The following PARD3 variants were observed in gnomAD, a reference collection of about 807,000 sequenced individuals.
The protein encoded by PARD3 is par-3 family cell polarity regulator, also known as partitioning defective 3 homolog.
Under a neutral mutation model 155.4 loss-of-function variants are expected in PARD3, and 75 were observed. That is an observed-to-expected ratio of 0.48 (90% confidence interval 0.40 to 0.58). The LOEUF (loss-of-function observed/expected upper bound fraction) is 0.58. Among genes scored for constraint, PARD3 ranks in the 20% least tolerant of loss-of-function variants. PARD3 has a pLI of 0.00. For missense variants in PARD3, 1,642 were observed against 1,721.7 expected (o/e 0.95, Z 0.82); for synonymous variants, 576 against 610.5 (o/e 0.94, Z 0.83).
chr10:34,717,624 A>G (rs184908714), intron 1 of PARD3, among the ~76,000 whole-genome samples: 1 of 152,282 alleles, frequency 6.6e-6, no homozygotes, highest in Admixed American at 6.5e-5. Context: ...TTACTGGAAA[A>G]GCCTTCTAAG....
At chr10:34,774,173 C>G (rs183386975) in intron 1 of PARD3, among the ~76,000 whole-genome samples, 5 of 152,220 alleles carry the variant, frequency 3.3e-5, no homozygotes, top group African/African-American at 1.2e-4. Flanking sequence ...CAAAACATAC[C>G]TGACTTCAAT....
chr10:34,663,828 T>G (rs1168021783), intron 2 of PARD3: 2 of 151,896 alleles, frequency 1.3e-5, no homozygotes, highest in East Asian at 3.9e-4. Flanking sequence ...AAACAGAACA[T>G]GTATTCCATG....
At chr10:34,469,490 T>A (rs1001686925) in intron 4 of PARD3, among the ~76,000 whole-genome samples, 2 of 152,148 alleles carry the variant, frequency 1.3e-5, no homozygotes, top group African/African-American at 4.8e-5. Flanking sequence ...AGGACTAAAA[T>A]AAATTAGGTC....
At chr10:34,377,944 A>T (rs1841422481) in intron 10 of PARD3, 23 bp downstream of exon 10, 7 of 1,497,406 alleles carry the variant, frequency 4.7e-6, no homozygotes, top group Middle Eastern at 1.8e-4. Context: ...ATCAGGGAAC[A>T]TCCTGCTGGG....
At chr10:34,684,824 CACACACATATATACACACACACAT>C (rs1212538005) in intron 2 of PARD3, among the ~76,000 whole-genome samples, 18 of 102,592 alleles carry the variant, frequency 1.8e-4, no homozygotes, top group South Asian at 5.4e-4. Context: ...CACACACACA[CACACACATATATACACACACACAT>C]ATATATACAT....
chr10:34,750,829 C>T (rs995619192), intron 1 of PARD3, among the ~76,000 whole-genome samples: 4 of 152,032 alleles, frequency 2.6e-5, no homozygotes, highest in African/African-American at 9.7e-5. Flanking sequence ...GCTGGGATTA[C>T]AGGCACACAC....
intron 1 of PARD3, among the ~76,000 whole-genome samples, chr10:34,796,592 GT>G (rs1254359354): frequency 2.0e-5 from 3 of 152,140 alleles, no homozygotes; most frequent in Admixed American, 6.5e-5. Context: ...ATAAAATTCA[GT>G]ACTAGTCAGT....
intron 1 of PARD3, among the ~76,000 whole-genome samples, chr10:34,754,344 C>T (rs12245689): frequency 0.024 from 3,593 of 152,234 alleles, 146 homozygotes; most frequent in African/African-American, 0.082. Flanking sequence ...TATTGAGAAA[C>T]ATACAAGCAT....
chr10:34,784,645 C>A (rs1840710218), intron 1 of PARD3, among the ~76,000 whole-genome samples: 1 of 152,190 alleles, frequency 6.6e-6, no homozygotes, highest in South Asian at 2.1e-4. Flanking sequence ...CCATGTTGGC[C>A]AGGCTGGTCT....
chr10:34,619,724 C>G (rs1330595633), intron 2 of PARD3, among the ~76,000 whole-genome samples: 2 of 152,090 alleles, frequency 1.3e-5, no homozygotes, highest in African/African-American at 4.8e-5. Context: ...TTAGGATCAT[C>G]TGGTTTAACT....
chr10:34,144,595 G>C (rs192756981), intron 22 of PARD3, among the ~76,000 whole-genome samples: 14 of 152,254 alleles, frequency 9.2e-5, no homozygotes, highest in Admixed American at 7.8e-4. Flanking sequence ...CTGGTATTTA[G>C]ACATTTCTGG....
At chr10:34,737,741 C>A (rs563650427) in intron 1 of PARD3, among the ~76,000 whole-genome samples, 19 of 152,312 alleles carry the variant, frequency 1.2e-4, no homozygotes, top group African/African-American at 4.1e-4. Context: ...GACTTCCCAG[C>A]CTTCAGAGCC....
At chr10:34,526,647 T>G (rs1266330946) in intron 2 of PARD3, among the ~76,000 whole-genome samples, 1 of 152,166 alleles carries the variant, frequency 6.6e-6, no homozygotes, top group African/African-American at 2.4e-5. Context: ...CAGGGCTTGG[T>G]TCCACGGGTG....
intron 2 of PARD3, among the ~76,000 whole-genome samples, chr10:34,576,458 T>C (rs976534493): frequency 4.6e-5 from 7 of 152,108 alleles, no homozygotes; most frequent in Middle Eastern, 3.4e-3. Flanking sequence ...CTGCACTCTT[T>C]ACATGTTAAG....
At chr10:34,355,315 G>A (rs1838678193) in intron 14 of PARD3, among the ~76,000 whole-genome samples, 2 of 152,102 alleles carry the variant, frequency 1.3e-5, no homozygotes, top group South Asian at 2.1e-4. Context: ...GCAACAGAGC[G>A]AGAGAGCAAG....
At chr10:34,520,545 A>G (rs922889061) in intron 2 of PARD3, among the ~76,000 whole-genome samples, 2 of 152,240 alleles carry the variant, frequency 1.3e-5, no homozygotes, top group Non-Finnish European at 2.9e-5. Flanking sequence ...AGACACAGAC[A>G]TTCCACTAGA....
chr10:34,206,386 G>A (rs538806337), intron 22 of PARD3, among the ~76,000 whole-genome samples: 5 of 152,228 alleles, frequency 3.3e-5, no homozygotes, highest in African/African-American at 4.8e-5. Context: ...AATGGGCGGC[G>A]TTTGCCTGGA....
chr10:34,722,108 C>T (rs2094617233), intron 1 of PARD3, among the ~76,000 whole-genome samples: 1 of 152,174 alleles, frequency 6.6e-6, no homozygotes, highest in South Asian at 2.1e-4. Context: ...AGGAGGACCA[C>T]CTGAGCCCAG....
chr10:34,701,808 G>T (rs573249291), intron 1 of PARD3, among the ~76,000 whole-genome samples: 21 of 152,266 alleles, frequency 1.4e-4, no homozygotes, highest in African/African-American at 4.8e-4. Flanking sequence ...AGGCTAAGGT[G>T]GAGGATCTCT....
Sources: allele counts gnomAD v4.1 joint callset (sites outside exome capture counted in the v4.1 genomes callset), GRCh38; gene constraint gnomAD v4.1.1; transcripts MANE v1.5; gene names NCBI Gene and HGNC (gene_info 2026-07-23, HGNC 2026-07-21).